Variants in MOB3B observed in about 807,000 individuals in gnomAD.
The protein encoded by MOB3B is MOB kinase activator-like 2B.
In MOB3B, 7 loss-of-function variants were observed where a neutral mutation model predicts 18.7. The ratio of observed to expected loss-of-function variants is 0.37; its 90% confidence interval spans 0.21 to 0.70. The LOEUF (loss-of-function observed/expected upper bound fraction) is 0.70. MOB3B is among the 30% of genes least tolerant of loss of function. MOB3B has a pLI of 0.52. For synonymous variants in MOB3B, 111 were observed against 99.9 expected, an observed-to-expected ratio of 1.11 and a Z score of -0.66; for missense variants, 253 against 281.3, an observed-to-expected ratio of 0.90 and a Z score of 0.72.
At chr9:27,402,942 T>C (rs1311746598) in intron 2 of MOB3B, among the ~76,000 whole-genome samples, 1 of 152,228 alleles carries the variant, frequency 6.6e-6, no homozygotes, top group Non-Finnish European at 1.5e-5. Context: ...GTACTGTATA[T>C]GGCTCATGCT....
chr9:27,408,427 T>G (rs899783764), intron 2 of MOB3B, among the ~76,000 whole-genome samples: 1 of 152,192 alleles, frequency 6.6e-6, no homozygotes, highest in Non-Finnish European at 1.5e-5. Context: ...GGGGCACGTA[T>G]TTTCTACCAA....
intron 1 of MOB3B, among the ~76,000 whole-genome samples, chr9:27,486,893 G>A (rs974173275): frequency 2.6e-5 from 4 of 152,180 alleles, no homozygotes; most frequent in East Asian, 3.9e-4. Context: ...CACTTTGGGA[G>A]GCTGAGGCAG....
At chr9:27,412,523 A>G (rs1052910326) in intron 2 of MOB3B, among the ~76,000 whole-genome samples, 59 of 152,302 alleles carry the variant, frequency 3.9e-4, no homozygotes, top group African/African-American at 1.2e-3. Context: ...TATAGTTATT[A>G]GTCTCTTGTT....
At chr9:27,335,417 C>A (rs907251637) in intron 3 of MOB3B, among the ~76,000 whole-genome samples, 1 of 152,202 alleles carries the variant, frequency 6.6e-6, no homozygotes, top group African/African-American at 2.4e-5. Context: ...TCTCTGACTT[C>A]ACATTGATTC....
intron 1 of MOB3B, among the ~76,000 whole-genome samples, chr9:27,482,807 T>C (rs539265070): frequency 1.3e-5 from 2 of 152,264 alleles, no homozygotes; most frequent in African/African-American, 4.8e-5. Context: ...CTGCAAAAAT[T>C]TGTGTAATGA....
At chr9:27,392,008 T>G (rs1362403182) in intron 2 of MOB3B, among the ~76,000 whole-genome samples, 2 of 152,200 alleles carry the variant, frequency 1.3e-5, no homozygotes, top group African/African-American at 4.8e-5. Context: ...AGAGGAGAGA[T>G]AATTTCATAT....
chr9:27,366,331 TCTC>T (rs1821341820), intron 2 of MOB3B, among the ~76,000 whole-genome samples: 1 of 152,128 alleles, frequency 6.6e-6, no homozygotes, highest in Admixed American at 6.5e-5. Context: ...CCTTAGGAAA[TCTC>T]CTTTCTCCCC....
intron 2 of MOB3B, among the ~76,000 whole-genome samples, chr9:27,434,257 GC>G (rs1458631412): frequency 6.6e-6 from 1 of 152,028 alleles, no homozygotes; most frequent in East Asian, 1.9e-4. Context: ...TGTCTTTCCT[GC>G]CCTTGTCTTA....
rs1820772649 is a variant in MOB3B at position 27,330,634 on chromosome 9, A to G, written c.622-18T>C. On this transcript the variant is annotated intron_variant, in intron 3 of 3. Coordinates refer to ENST00000262244, the MANE Select transcript of MOB3B (RefSeq NM_024761.5). ...ATTTCTTTCTGGAAAGCAAGGGGAAAAGGATGGTTAGGAGAAACTATAAGC... is the reference window on the plus strand; with the variant it reads ...ATTTCTTTCTGGAAAGCAAGGGGAAGAGGATGGTTAGGAGAAACTATAAGC... 1.2e-5 allele frequency: 20 copies of G among 1,613,912 alleles called. No individual in the cohort carries two copies. Among genetic ancestry groups the G allele is most frequent in the Non-Finnish European group, 1.6e-5 (19 of 1,179,974 alleles).
intron 3 of MOB3B, among the ~76,000 whole-genome samples, chr9:27,344,744 C>G (rs1482967153): frequency 6.6e-6 from 1 of 152,244 alleles, no homozygotes; most frequent in Non-Finnish European, 1.5e-5. Context: ...TACTTTGATT[C>G]TTGTGTATTT....
At chr9:27,494,668 C>T (rs771389904) in intron 1 of MOB3B, among the ~76,000 whole-genome samples, 3 of 152,118 alleles carry the variant, frequency 2.0e-5, no homozygotes, top group Non-Finnish European at 4.4e-5. Context: ...GCACGCACCA[C>T]CAAACCTGGC....
chr9:27,492,409 G>A (rs1819832427), intron 1 of MOB3B, among the ~76,000 whole-genome samples: 1 of 152,158 alleles, frequency 6.6e-6, no homozygotes, highest in Admixed American at 6.5e-5. Context: ...GATTTACCAA[G>A]CATTCCCTGA....
At chr9:27,387,820 G>A (rs1206684255) in intron 2 of MOB3B, among the ~76,000 whole-genome samples, 3 of 152,160 alleles carry the variant, frequency 2.0e-5, no homozygotes, top group Non-Finnish European at 4.4e-5. Flanking sequence ...GAGAGGCTAG[G>A]ATGGAAAACA....
At chr9:27,519,723 C>T (rs182530740) in intron 1 of MOB3B, among the ~76,000 whole-genome samples, 1 of 152,246 alleles carries the variant, frequency 6.6e-6, no homozygotes, top group Admixed American at 6.5e-5. Context: ...TGAATTTTTA[C>T]CATATGCACA....
At position 27,489,521 on chromosome 9, in the gene MOB3B, T is replaced by C. The variant is rs113156087; in HGVS notation, c.-198-33773A>G. Among the ~76,000 whole-genome samples, 610 of 152,254 alleles carry C rather than the reference T, an allele frequency of 4.0e-3. 5 individuals carry two copies. Among genetic ancestry groups the C allele is most frequent in the African/African-American group, 0.014 (593 of 41,548 alleles). On this transcript the variant is annotated intron_variant, in intron 1 of 3. Transcript: ENST00000262244. Reference sequence around the variant, plus strand: ...TTCACTAAGCTAATTTCTCTCACTATGGAAAGAGAGAAAGGCTATGTTGCT... The same window carrying C: ...TTCACTAAGCTAATTTCTCTCACTACGGAAAGAGAGAAAGGCTATGTTGCT...
At chr9:27,395,334 G>A (rs1821783462) in intron 2 of MOB3B, among the ~76,000 whole-genome samples, 3 of 152,072 alleles carry the variant, frequency 2.0e-5, no homozygotes, top group Non-Finnish European at 4.4e-5. Flanking sequence ...GATATGAGTT[G>A]ATTCGTGTTC....
At chr9:27,368,515 C>T (rs552797940) in intron 2 of MOB3B, among the ~76,000 whole-genome samples, 5 of 152,200 alleles carry the variant, frequency 3.3e-5, no homozygotes, top group African/African-American at 9.6e-5. Context: ...AGTGTCTGTT[C>T]GTCATGCCAA....
intron 3 of MOB3B, 127 bp downstream of exon 3, chr9:27,358,907 C>T (rs900054587): frequency 7.2e-6 from 7 of 978,492 alleles, no homozygotes; most frequent in Non-Finnish European, 1.2e-5. Flanking sequence ...AAACCCCATT[C>T]AATTCTGCAG....
At position 27,409,708 on chromosome 9, in the gene MOB3B, GA is replaced by G. The variant is rs199517130; in HGVS notation, c.418+45424del. Among the ~76,000 whole-genome samples, 465 of 152,102 alleles carry G rather than the reference GA, an allele frequency of 3.1e-3. 2 individuals carry two copies. Among genetic ancestry groups the G allele is most frequent in the African/African-American group, 9.9e-3 (410 of 41,480 alleles). On this transcript the variant is annotated intron_variant, in intron 2 of 3. Coordinates refer to ENST00000262244, the MANE Select transcript of MOB3B (RefSeq NM_024761.5). Reference sequence around the variant, plus strand: ...CCAAATGTCCATCAATAGATAAATGGATAAACAAAATGTGGTATATATATAA... The same window carrying G: ...CCAAATGTCCATCAATAGATAAATGGTAAACAAAATGTGGTATATATATAA...
Sources: allele counts gnomAD v4.1 joint callset (sites outside exome capture counted in the v4.1 genomes callset), GRCh38; gene constraint gnomAD v4.1.1; transcripts MANE v1.5; gene names NCBI Gene and HGNC (gene_info 2026-07-23, HGNC 2026-07-21).